The following FSD2 variants were observed in gnomAD, a reference collection of about 807,000 sequenced individuals.
FSD2 encodes the protein fibronectin type III and SPRY domain-containing protein 2.
FSD2 carries 71 observed loss-of-function variants against 80.4 expected under a neutral mutation model. That is an observed-to-expected ratio of 0.88 (90% CI 0.73 to 1.08). The LOEUF is 1.08. FSD2 is among the 50% of genes least tolerant of loss of function. FSD2 has a pLI of 0.00. For missense variants in FSD2, 923 were observed against 913.8 expected, an observed-to-expected ratio of 1.01 and a Z score of -0.13; for synonymous variants, 361 against 329.5, an observed-to-expected ratio of 1.10 and a Z score of -1.03.
At chr15:82,759,656 A>G (rs2049244542) in intron 12 of FSD2, 56 bp from the exon 13 acceptor site, 1 of 1,376,730 alleles carries the variant, frequency 7.3e-7, no homozygotes, top group Admixed American at 2.6e-5. Context: ...TTGACTATTT[A>G]TAGAACATTT....
At chr15:82,796,000 C>CTTTTTTTTTTTTTT (rs143711664) in intron 1 of FSD2, among the ~76,000 whole-genome samples, 1 of 117,504 alleles carries the variant, frequency 8.5e-6, no homozygotes, top group Non-Finnish European at 1.7e-5. Flanking sequence ...TTTTTCTTTT[C>CTTTTTTTTTTTTTT]TTTTTTTTTT....
At chr15:82,770,770 A>C (rs1033013604) in intron 7 of FSD2, among the ~76,000 whole-genome samples, 2 of 152,192 alleles carry the variant, frequency 1.3e-5, no homozygotes, top group Non-Finnish European at 2.9e-5. Context: ...AAAAACTAAC[A>C]CAACTCCAGA....
rs144458444 is a variant in FSD2 at position 82,801,573 on chromosome 15, C to T, written c.-79+4393G>A. Among the ~76,000 whole-genome samples the T allele has an allele frequency of 2.0e-3, 299 of 152,224 alleles. 1 individual carries two copies. The highest frequency in any genetic ancestry group is 6.8e-3 in the African/African-American group (282 of 41,530). Reference sequence around the variant, plus strand: ...TGTTTTTCTAGGTACTGTATCAGCACCACACAGAGAGGTCGACTTCCAGCA... The same window carrying T: ...TGTTTTTCTAGGTACTGTATCAGCATCACACAGAGAGGTCGACTTCCAGCA... On this transcript the variant is annotated intron_variant, in intron 1 of 12. Transcript: ENST00000334574.
At chr15:82,768,140 T>C (rs908023256) in intron 9 of FSD2, among the ~76,000 whole-genome samples, 1 of 152,202 alleles carries the variant, frequency 6.6e-6, no homozygotes, top group African/African-American at 2.4e-5. Flanking sequence ...TTCCAGACAG[T>C]CTTCTGTGAT....
chr15:82,775,561 G>A (rs2049696378), intron 6 of FSD2, among the ~76,000 whole-genome samples: 1 of 152,154 alleles, frequency 6.6e-6, no homozygotes, highest in Non-Finnish European at 1.5e-5. Context: ...TCTTGTTTCT[G>A]ATCTTAGAGG....
At chr15:82,772,752 T>C (rs2049614951) in intron 6 of FSD2, among the ~76,000 whole-genome samples, 1 of 152,236 alleles carries the variant, frequency 6.6e-6, no homozygotes, top group Non-Finnish European at 1.5e-5. Context: ...AATTCTTTTC[T>C]TCTCTGTAGG....
At chr15:82,768,657 A>C (rs1392261697) in intron 9 of FSD2, among the ~76,000 whole-genome samples, 2 of 152,190 alleles carry the variant, frequency 1.3e-5, no homozygotes, top group Non-Finnish European at 2.9e-5. Flanking sequence ...CAACAACCAC[A>C]ACAACAACAA....
chr15:82,769,162 C>G, intron 8 of FSD2, 132 bp from the exon 9 acceptor site: 1 of 752,166 alleles, frequency 1.3e-6, no homozygotes, highest in South Asian at 4.2e-5. Flanking sequence ...AAAAAGCAAA[C>G]CAGGGAATCC....
chr15:82,763,117 C>G (rs1357087652), intron 11 of FSD2, among the ~76,000 whole-genome samples: 4 of 152,230 alleles, frequency 2.6e-5, no homozygotes, highest in African/African-American at 9.6e-5. Context: ...GAGGCCATCT[C>G]TGCTTCAAGC....
At chr15:82,771,575 T>C (rs1194223959) in intron 7 of FSD2, among the ~76,000 whole-genome samples, 1 of 152,078 alleles carries the variant, frequency 6.6e-6, no homozygotes. Flanking sequence ...ATCTCAGGAG[T>C]TGTCTTCTCC....
At chr15:82,760,796 T>C (rs2049279073) in intron 12 of FSD2, among the ~76,000 whole-genome samples, 1 of 152,120 alleles carries the variant, frequency 6.6e-6, no homozygotes, top group South Asian at 2.1e-4. Flanking sequence ...GCTCTAGCAC[T>C]TGGACTGTAG....
chr15:82,795,579 C>T (rs1856434204), intron 1 of FSD2, among the ~76,000 whole-genome samples: 1 of 152,092 alleles, frequency 6.6e-6, no homozygotes, highest in African/African-American at 2.4e-5. Context: ...CCTGTAAACC[C>T]AGCACTTTAG....
chr15:82,765,968 A>G lies in FSD2; in HGVS notation c.1617T>C (p.Ile539=), dbSNP rs776796355. Residue 539 remains isoleucine, a synonymous_variant, in exon 10 of 13, where the codon ATT becomes ATC. Coordinates refer to ENST00000334574, the MANE Select transcript of FSD2 (RefSeq NM_001007122.4). ...CCATATTGAGGGCTCGCACATAGAT[A>G]ATGTAGCTCCGCCCCGGCTGCAGCT... ...VVQLQPGRSY[I]IYVRALNMGG... is the part of the protein sequence containing the mutation. 1.9e-6 allele frequency: 3 copies of G among 1,604,028 alleles called. No individual in the cohort carries two copies. The highest frequency in any genetic ancestry group is 1.1e-5 in the South Asian group (1 of 88,764).
At chr15:82,775,403 A>G (rs2151503356) in intron 6 of FSD2, among the ~76,000 whole-genome samples, 1 of 152,118 alleles carries the variant, frequency 6.6e-6, no homozygotes, top group African/African-American at 2.4e-5. Context: ...GTCTCAAAAA[A>G]AAAAAAAATT....
Position 82,765,998 on chromosome 15 carries a change from C to G in FSD2, c.1587G>C (p.Val529=), listed in dbSNP as rs754852279. ...SVVGIPTCES[V]VQLQPGRSYI... is the part of the protein sequence containing the mutation. ...AGCTCCGCCCCGGCTGCAGCTGCAC[C>G]ACGGACTCGCAGGTCGGGATGCCCA... Residue 529 remains valine, a synonymous_variant, in exon 10 of 13, where the codon GTG becomes GTC. Coordinates refer to ENST00000334574, the MANE Select transcript of FSD2 (RefSeq NM_001007122.4). 15 of 1,593,572 alleles carry G rather than the reference C, an allele frequency of 9.4e-6. No homozygotes were observed. Among genetic ancestry groups the G allele is most frequent in the Non-Finnish European group, 1.2e-5 (14 of 1,171,166 alleles).
At chr15:82,792,896 T>G (rs1165742195) in intron 1 of FSD2, among the ~76,000 whole-genome samples, 1 of 152,174 alleles carries the variant, frequency 6.6e-6, no homozygotes, top group Non-Finnish European at 1.5e-5. Context: ...AGTTTTGGGG[T>G]TTTTTTCTTG....
chr15:82,794,074 T>C (rs2050206924), intron 1 of FSD2, among the ~76,000 whole-genome samples: 2 of 152,068 alleles, frequency 1.3e-5, no homozygotes, highest in African/African-American at 2.4e-5. Flanking sequence ...AGTTTTTTAA[T>C]GTATTGATTT....
chr15:82,759,416 A>G lies in FSD2; in HGVS notation c.2182T>C (p.Leu728=), dbSNP rs958259485. Residue 728 remains leucine, a synonymous_variant, in exon 13 of 13, where the codon TTG becomes CTG. Transcript: ENST00000334574. ...LHEFVHPCFS[L]EKPGCLKVHN... ...ACCTTTAGACACCCAGGCTTTTCCAAAGAAAAACAGGGATGCACAAATTCG... is the reference window on the plus strand; with the variant it reads ...ACCTTTAGACACCCAGGCTTTTCCAGAGAAAAACAGGGATGCACAAATTCG... The G allele has an allele frequency of 6.2e-7, 1 of 1,613,802 alleles. No homozygotes were observed. Among genetic ancestry groups the G allele is most frequent in the African/African-American group, 1.3e-5 (1 of 75,062 alleles).
chr15:82,798,189 A>G (rs2050325212), intron 1 of FSD2, among the ~76,000 whole-genome samples: 1 of 151,684 alleles, frequency 6.6e-6, no homozygotes, highest in African/African-American at 2.4e-5. Context: ...AAAATCAAAA[A>G]ACAAAACTAG....
Sources: gnomAD v4.1 joint callset for allele counts (sites outside exome capture counted in the v4.1 genomes callset) on GRCh38, gnomAD v4.1.1 for gene constraint, MANE v1.5 for transcripts, NCBI Gene and HGNC (gene_info 2026-07-23, HGNC 2026-07-21) for gene names.